The following NTN1 variants were observed in gnomAD, a reference collection of about 807,000 sequenced individuals.
NTN1 encodes netrin-1.
A neutral mutation model predicts 54.2 loss-of-function variants in NTN1; 11 were observed. The ratio of observed to expected loss-of-function variants is 0.20; its 90% confidence interval spans 0.13 to 0.34. NTN1 has a LOEUF of 0.34. NTN1 is among the 10% of genes least tolerant of loss of function. The pLI is 1.00. For synonymous variants in NTN1, 371 were observed against 382.0 expected (o/e 0.97, Z 0.33); for missense variants, 740 against 893.1 (o/e 0.83, Z 2.18).
At chr17:9,227,483 A>G (rs565030853) in intron 6 of NTN1, among the ~76,000 whole-genome samples, 2 of 134,480 alleles carry the variant, frequency 1.5e-5, no homozygotes, top group South Asian at 2.5e-4. Flanking sequence ...CACACATAGC[A>G]CACACACATG....
rs1172210641 is a variant in NTN1, at chr17:9,239,287, T to G, written c.1487-353T>G. The stretch of plus-strand genomic sequence containing the variant: ...GGAACCTCCCTCTCCCCGCCAGCAC[T>G]GCTCTCACCCGAGCGCCTGCCCTGG... On this transcript the variant is annotated intron_variant, in intron 6 of 6. Transcript: ENST00000173229. This position sits in a 1 kb window ranked among gnomAD's most constrained non-coding sequence, Gnocchi z 5.2. Among the ~76,000 whole-genome samples, 1 of 152,172 alleles carries G rather than the reference T, an allele frequency of 6.6e-6. No individual in the cohort carries two copies. The highest frequency in any genetic ancestry group is 6.5e-5 in the Admixed American group (1 of 15,288).
At chr17:9,179,472 C>A (rs1272212851) in intron 3 of NTN1, among the ~76,000 whole-genome samples, 1 of 152,238 alleles carries the variant, frequency 6.6e-6, no homozygotes, top group African/African-American at 2.4e-5. Flanking sequence ...GACTCCTCCA[C>A]CCAGGCGTGA....
At chr17:9,197,833 C>T (rs1904679304) in intron 5 of NTN1, among the ~76,000 whole-genome samples, 1 of 152,110 alleles carries the variant, frequency 6.6e-6, no homozygotes, top group Non-Finnish European at 1.5e-5. Flanking sequence ...CCTACGAGGC[C>T]ACCTCCTTCA....
intron 2 of NTN1, among the ~76,000 whole-genome samples, chr17:9,089,920 C>A (rs986229292): frequency 6.6e-6 from 1 of 152,006 alleles, no homozygotes; most frequent in African/African-American, 2.4e-5. Flanking sequence ...GCTATCTGGA[C>A]ACAGTAGGGT....
At chr17:9,203,873 C>T (rs536603723) in intron 5 of NTN1, among the ~76,000 whole-genome samples, 30 of 152,120 alleles carry the variant, frequency 2.0e-4, no homozygotes, top group African/African-American at 7.2e-4. Context: ...GAAGAGGAAG[C>T]AGCATAATGG....
intron 2 of NTN1, among the ~76,000 whole-genome samples, chr17:9,031,360 C>T (rs911253366): frequency 2.0e-5 from 3 of 152,074 alleles, no homozygotes; most frequent in Non-Finnish European, 2.9e-5. Flanking sequence ...GTGGTGAGTA[C>T]CCAGCAAATA....
At chr17:9,118,162 T>A (rs1304854345) in intron 2 of NTN1, among the ~76,000 whole-genome samples, 1 of 152,170 alleles carries the variant, frequency 6.6e-6, no homozygotes, top group African/African-American at 2.4e-5. Flanking sequence ...GAGGATTAAG[T>A]GTGTGTGTTT....
At chr17:9,162,677 TG>T in intron 2 of NTN1, 135 bp from the exon 3 acceptor site, 1 of 796,426 alleles carries the variant, frequency 1.3e-6, no homozygotes, top group Non-Finnish European at 2.0e-6. Context: ...GAGGAGCTCC[TG>T]GAGCACAAGT....
intron 5 of NTN1, among the ~76,000 whole-genome samples, chr17:9,191,555 A>C (rs748558002): frequency 6.6e-6 from 1 of 152,216 alleles, no homozygotes; most frequent in Non-Finnish European, 1.5e-5. Flanking sequence ...GACATGGTTG[A>C]CCAAAAAGAT....
At chr17:9,201,564 A>G (rs1438755726) in intron 5 of NTN1, among the ~76,000 whole-genome samples, 1 of 152,220 alleles carries the variant, frequency 6.6e-6, no homozygotes, top group Non-Finnish European at 1.5e-5. Context: ...ATAGAGCTCA[A>G]TGGTGCCTCT....
rs1906157366 is a variant in NTN1, at chr17:9,240,194, GC to G, written c.*228del. ...GCCGCGTGCACGCGGGGCGGGGTGC[GC>G]CGCCGGCCGGGCCCTGGAGAAATGA... On this transcript the variant is annotated 3_prime_UTR_variant, in exon 7 of 7. Coordinates refer to ENST00000173229, the MANE Select transcript of NTN1 (RefSeq NM_004822.3). 6.1e-6 allele frequency: 1 copy of G among 163,640 alleles called. No individual in the cohort carries two copies. The highest frequency in any genetic ancestry group is 6.5e-5 in the Admixed American group (1 of 15,428). 10.1% of individuals were successfully genotyped at this position (163,640 alleles called of 1,614,324 possible).
intron 2 of NTN1, among the ~76,000 whole-genome samples, chr17:9,036,383 C>CTTTT (rs869283987): frequency 4.7e-5 from 5 of 107,220 alleles, no homozygotes; most frequent in Non-Finnish European, 9.0e-5. Context: ...CGTCTCTTAT[C>CTTTT]TTTTTTTTTT....
intron 2 of NTN1, among the ~76,000 whole-genome samples, chr17:9,031,401 A>G (rs1431483985): frequency 1.3e-5 from 2 of 152,216 alleles, no homozygotes; most frequent in Non-Finnish European, 2.9e-5. Flanking sequence ...TTCTAAAACC[A>G]GGGCAGACAT....
chr17:9,013,898 C>A, the NTN1 span, among the ~76,000 whole-genome samples: 28 of 152,294 alleles, frequency 1.8e-4, no homozygotes, highest in Non-Finnish European at 3.7e-4. Flanking sequence ...ATTTTAATAG[C>A]ATTTGGGGTG....
chr17:9,195,192 A>ACTGCCCCC (rs1904593200), intron 5 of NTN1, among the ~76,000 whole-genome samples: 2 of 142,400 alleles, frequency 1.4e-5, no homozygotes, highest in Admixed American at 1.4e-4. Flanking sequence ...GGCGAGCTCT[A>ACTGCCCCC]CCACCCCTCC....
At chr17:9,130,523 C>T (rs531142935) in intron 2 of NTN1, among the ~76,000 whole-genome samples, 46 of 152,242 alleles carry the variant, frequency 3.0e-4, no homozygotes, top group African/African-American at 8.2e-4. Flanking sequence ...CCTGGGGTGG[C>T]CAGCTGCCTC....
At chr17:9,077,971 C>A (rs1167664318) in intron 2 of NTN1, among the ~76,000 whole-genome samples, 1 of 152,186 alleles carries the variant, frequency 6.6e-6, no homozygotes, top group Non-Finnish European at 1.5e-5. Flanking sequence ...ATCATTACTC[C>A]ACTCCTGTGT....
intron 5 of NTN1, among the ~76,000 whole-genome samples, chr17:9,217,045 C>CA (rs201848057): frequency 0.21 from 28,472 of 132,978 alleles, 3,302 homozygotes; most frequent in Non-Finnish European, 0.3. Context: ...GACTCCGTCT[C>CA]AAAAAAAAAA....
chr17:9,049,984 C>T (rs1046036370), intron 2 of NTN1, among the ~76,000 whole-genome samples: 11 of 152,184 alleles, frequency 7.2e-5, no homozygotes, highest in East Asian at 1.9e-4. Flanking sequence ...CAGTGGCTCA[C>T]GCCTGTAATC....
Sources: allele counts gnomAD v4.1 joint callset (sites outside exome capture counted in the v4.1 genomes callset), GRCh38; gene constraint gnomAD v4.1.1; non-coding constraint Gnocchi (gnomAD v3.1); transcripts MANE v1.5; gene names NCBI Gene and HGNC (gene_info 2026-07-23, HGNC 2026-07-21).